ZNF521: variants seen among roughly 807,000 people sequenced by gnomAD.
ZNF521 encodes the protein zinc finger protein 521.
ZNF521 carries 14 observed loss-of-function variants against 105.5 expected under a neutral mutation model. The observed-to-expected ratio is 0.13, with a 90% CI of 0.09 to 0.21. The LOEUF (loss-of-function observed/expected upper bound fraction) is 0.21. ZNF521 is among the 10% of genes least tolerant of loss of function. ZNF521 has a pLI of 1.00. For synonymous variants in ZNF521, 635 were observed against 606.0 expected (o/e 1.05, Z -0.70); for missense variants, 1,233 against 1,629.7 (o/e 0.76, Z 4.19).
intron 5 of ZNF521, among the ~76,000 whole-genome samples, chr18:25,158,460 C>A (rs981704069): frequency 2.6e-5 from 4 of 151,962 alleles, no homozygotes; most frequent in African/African-American, 9.7e-5. Flanking sequence ...ATCAAAAATA[C>A]AGATTATTCA....
chr18:25,286,801 C>G (rs1174892232), intron 3 of ZNF521, among the ~76,000 whole-genome samples: 1 of 152,078 alleles, frequency 6.6e-6, no homozygotes, highest in African/African-American at 2.4e-5. Context: ...AGAGTCTAGG[C>G]CAAGGCACCT....
intron 2 of ZNF521, among the ~76,000 whole-genome samples, chr18:25,334,355 T>C (rs1224978791): frequency 6.6e-6 from 1 of 152,184 alleles, no homozygotes; most frequent in African/African-American, 2.4e-5. Flanking sequence ...ATTTGGTTTA[T>C]GACGAGTCTT....
chr18:25,110,430 A>T (rs1168638490), intron 5 of ZNF521, among the ~76,000 whole-genome samples: 1 of 145,442 alleles, frequency 6.9e-6, no homozygotes, highest in African/African-American at 2.5e-5. Context: ...GAATGAATGG[A>T]AGGCAGGAGA....
intron 3 of ZNF521, among the ~76,000 whole-genome samples, chr18:25,316,714 G>A (rs1363561110): frequency 6.6e-6 from 1 of 151,656 alleles, no homozygotes; most frequent in African/African-American, 2.4e-5. Flanking sequence ...CTTCCTCCTT[G>A]GCCTCCACTT....
intron 5 of ZNF521, among the ~76,000 whole-genome samples, chr18:25,152,451 C>A (rs2035065615): frequency 6.6e-6 from 1 of 150,528 alleles, no homozygotes; most frequent in Non-Finnish European, 1.5e-5. Flanking sequence ...TGCACTCCAA[C>A]CTGGGCAACA....
At chr18:25,330,847 G>A (rs1400061602) in intron 2 of ZNF521, among the ~76,000 whole-genome samples, 1 of 152,072 alleles carries the variant, frequency 6.6e-6, no homozygotes, top group Non-Finnish European at 1.5e-5. Context: ...ATATGGTAAG[G>A]AACCACAAAG....
In ZNF521 at chr18:25,147,896, C is replaced by T. The variant is rs139741583; in HGVS notation, c.3658+47264G>A. Among the ~76,000 whole-genome samples the T allele has an allele frequency of 1.3e-3, 191 of 152,230 alleles. 1 individual carries two copies. The highest frequency in any genetic ancestry group is 3.6e-3 in the African/African-American group (150 of 41,534). ...TATTCTGACTACTACAAAAGGCAGC[C>T]GTACCCTGTCCTGACCGAACACCAT... On this transcript the variant is annotated intron_variant, in intron 5 of 7. Coordinates refer to ENST00000361524, the MANE Select transcript of ZNF521 (RefSeq NM_015461.3).
chr18:25,103,234 C>G (rs1394278243), intron 5 of ZNF521, among the ~76,000 whole-genome samples: 1 of 152,052 alleles, frequency 6.6e-6, no homozygotes, highest in African/African-American at 2.4e-5. Context: ...GAAATCTTCC[C>G]GATTATACAA....
intron 5 of ZNF521, among the ~76,000 whole-genome samples, chr18:25,165,808 T>A (rs1279532539): frequency 6.6e-6 from 1 of 152,218 alleles, no homozygotes; most frequent in Non-Finnish European, 1.5e-5. Context: ...AGCAAATGTA[T>A]CATGACCAGC....
intron 5 of ZNF521, among the ~76,000 whole-genome samples, chr18:25,127,573 A>T (rs893340888): frequency 6.6e-6 from 1 of 152,068 alleles, no homozygotes; most frequent in Non-Finnish European, 1.5e-5. Flanking sequence ...GACCTAAAAA[A>T]AGATACGATC....
chr18:25,349,242 G>A lies in ZNF521; in HGVS notation c.40+1665C>T, dbSNP rs183599555. On this transcript the variant is annotated intron_variant, in intron 2 of 7. Coordinates refer to ENST00000361524, the MANE Select transcript of ZNF521 (RefSeq NM_015461.3). ...GCTCAGCGTTACTTTCAAGAAAGCC[G>A]GGGTCTCGGGCAAGTCTCGCCGGCG... is the stretch of plus-strand genomic sequence containing the variant. Among the ~76,000 whole-genome samples, 1,367 of 152,238 alleles carry A rather than the reference G, an allele frequency of 9.0e-3. 12 individuals are homozygous for A. The highest frequency in any genetic ancestry group is 0.013 in the Non-Finnish European group (910 of 68,012).
intron 3 of ZNF521, among the ~76,000 whole-genome samples, chr18:25,315,069 G>C (rs1912525716): frequency 6.6e-6 from 1 of 152,192 alleles, no homozygotes; most frequent in African/African-American, 2.4e-5. Flanking sequence ...GAATTGGCAA[G>C]AAATGATAGG....
intron 5 of ZNF521, among the ~76,000 whole-genome samples, chr18:25,190,684 T>C (rs1246887176): frequency 6.6e-6 from 1 of 152,184 alleles, no homozygotes; most frequent in African/African-American, 2.4e-5. Flanking sequence ...AGAATGCCAT[T>C]TGTGACCTTG....
At chr18:25,213,723 C>T (rs959063383) in intron 4 of ZNF521, among the ~76,000 whole-genome samples, 1 of 151,864 alleles carries the variant, frequency 6.6e-6, no homozygotes, top group Non-Finnish European at 1.5e-5. Flanking sequence ...ATGTTTAGGG[C>T]GACTCATTTT....
intron 5 of ZNF521, among the ~76,000 whole-genome samples, chr18:25,194,161 G>A (rs895081043): frequency 2.0e-5 from 3 of 151,614 alleles, no homozygotes; most frequent in Non-Finnish European, 4.4e-5. Flanking sequence ...CTAAACTGTT[G>A]AATTTTCTTT....
At chr18:25,107,807 C>T (rs1468440540) in intron 5 of ZNF521, among the ~76,000 whole-genome samples, 1 of 152,210 alleles carries the variant, frequency 6.6e-6, no homozygotes, top group African/African-American at 2.4e-5. Context: ...TAACCTTGTC[C>T]TATTGTACAA....
At chr18:25,204,456 T>A (rs2036044877) in intron 4 of ZNF521, among the ~76,000 whole-genome samples, 1 of 152,152 alleles carries the variant, frequency 6.6e-6, no homozygotes, top group Admixed American at 6.5e-5. Flanking sequence ...AAACTCAGTG[T>A]TAAAGATGGA....
intron 3 of ZNF521, among the ~76,000 whole-genome samples, chr18:25,313,335 CA>C (rs34596950): frequency 1.7e-4 from 24 of 143,006 alleles, no homozygotes; most frequent in South Asian, 9.0e-4. Context: ...AAGTTTTCTG[CA>C]AAAAAAAAAA....
intron 5 of ZNF521, among the ~76,000 whole-genome samples, chr18:25,157,094 G>A (rs1187655124): frequency 1.3e-5 from 2 of 151,962 alleles, no homozygotes; most frequent in African/African-American, 2.4e-5. Flanking sequence ...AGCTACCCGG[G>A]GGCTGAGGTG....
Sources: gnomAD v4.1 joint callset for allele counts (sites outside exome capture counted in the v4.1 genomes callset) on GRCh38, gnomAD v4.1.1 for gene constraint, MANE v1.5 for transcripts, NCBI Gene and HGNC (gene_info 2026-07-23, HGNC 2026-07-21) for gene names.